The following GPM6A variants were observed in gnomAD, a reference collection of about 807,000 sequenced individuals.
The protein encoded by GPM6A is neuronal membrane glycoprotein M6-a.
GPM6A carries 7 observed loss-of-function variants against 32.1 expected under a neutral mutation model. That is an observed-to-expected ratio of 0.22 (90% CI 0.12 to 0.41). GPM6A has a LOEUF of 0.41. Ranked by LOEUF, GPM6A falls within the 10% of genes least tolerant of loss-of-function variation. The pLI is 1.00. For missense variants in GPM6A, 235 were observed against 347.2 expected (o/e 0.68, Z 2.57); for synonymous variants, 130 against 123.4 (o/e 1.05, Z -0.35).
At chr4:175,953,609 A>C (rs1486554073) in intron 1 of GPM6A, among the ~76,000 whole-genome samples, 1 of 152,218 alleles carries the variant, frequency 6.6e-6, no homozygotes, top group African/African-American at 2.4e-5. Context: ...GTATATAAAA[A>C]CTACCATGGA....
intron 1 of GPM6A, among the ~76,000 whole-genome samples, chr4:175,822,139 C>T (rs1579540765): frequency 6.6e-6 from 1 of 152,100 alleles, no homozygotes; most frequent in South Asian, 2.1e-4. Flanking sequence ...TTTTATTCTC[C>T]ATCAAGTAAG....
intron 1 of GPM6A, among the ~76,000 whole-genome samples, chr4:175,704,314 CTT>C (rs1428753976): frequency 2.9e-5 from 4 of 137,536 alleles, no homozygotes; most frequent in Non-Finnish European, 6.6e-5. Context: ...ACATCTCTCT[CTT>C]TCTCTCACAC....
At chr4:175,828,159 A>G (rs1735494632) in intron 1 of GPM6A, among the ~76,000 whole-genome samples, 1 of 152,184 alleles carries the variant, frequency 6.6e-6, no homozygotes, top group Non-Finnish European at 1.5e-5. Context: ...TGGCTTGGCA[A>G]TTCCTAGGTC....
intron 1 of GPM6A, among the ~76,000 whole-genome samples, chr4:175,919,156 C>A (rs1396057219): frequency 6.6e-6 from 1 of 152,144 alleles, no homozygotes. Context: ...CTGCCCATCA[C>A]TTATAAAAAG....
At chr4:175,647,662 C>T (rs184009474) in intron 4 of GPM6A, among the ~76,000 whole-genome samples, 9 of 152,116 alleles carry the variant, frequency 5.9e-5, no homozygotes, top group East Asian at 1.9e-4. Context: ...TAAAAGATAG[C>T]GTCTATATAC....
At chr4:175,802,872 T>TA (rs971616245) in intron 1 of GPM6A, among the ~76,000 whole-genome samples, 1 of 152,054 alleles carries the variant, frequency 6.6e-6, no homozygotes, top group African/African-American at 2.4e-5. Flanking sequence ...TCTTTAATAA[T>TA]AAAAAAAGAA....
At chr4:176,001,145 C>T (rs76076867) in intron 1 of GPM6A, among the ~76,000 whole-genome samples, 1 of 152,140 alleles carries the variant, frequency 6.6e-6, no homozygotes, top group Non-Finnish European at 1.5e-5. Context: ...GTCAAAGCAT[C>T]CCCTAACCCT....
At chr4:175,973,201 A>G (rs145617258) in intron 1 of GPM6A, among the ~76,000 whole-genome samples, 11 of 152,350 alleles carry the variant, frequency 7.2e-5, no homozygotes, top group Non-Finnish European at 1.0e-4. Flanking sequence ...GCCTTGGGGC[A>G]TTCAGTGTCT....
intron 1 of GPM6A, among the ~76,000 whole-genome samples, chr4:175,738,630 A>G (rs566871243): frequency 6.6e-6 from 1 of 152,184 alleles, no homozygotes; most frequent in East Asian, 1.9e-4. Context: ...CAGAAGTGAA[A>G]TGTTCAGTGA....
intron 1 of GPM6A, among the ~76,000 whole-genome samples, chr4:175,903,563 A>T (rs1738033734): frequency 6.6e-6 from 1 of 152,156 alleles, no homozygotes; most frequent in Admixed American, 6.6e-5. Context: ...TAACACCTGC[A>T]ATTTTAGGAC....
At chr4:175,714,736 A>C (rs1035909223) in intron 1 of GPM6A, among the ~76,000 whole-genome samples, 1 of 152,196 alleles carries the variant, frequency 6.6e-6, no homozygotes, top group African/African-American at 2.4e-5. Flanking sequence ...TATCATGAAA[A>C]TGTTTATTAA....
intron 1 of GPM6A, among the ~76,000 whole-genome samples, chr4:175,871,215 T>A (rs943478105): frequency 2.6e-5 from 4 of 152,096 alleles, no homozygotes; most frequent in African/African-American, 9.7e-5. Context: ...AGGCCTGTAA[T>A]CCCAGCACTT....
At chr4:176,002,330 C>T in exon 1 of GPM6A, 1 of 1,589,322 alleles carries the variant, frequency 6.3e-7, no homozygotes, top group Non-Finnish European at 8.6e-7. Flanking sequence ...GGTCCTGCTT[C>T]TCTGCAGTCC....
intron 2 of GPM6A, among the ~76,000 whole-genome samples, chr4:175,678,525 A>G (rs896522436): frequency 6.6e-6 from 1 of 152,192 alleles, no homozygotes; most frequent in Non-Finnish European, 1.5e-5. Context: ...GAAAGAATGC[A>G]TGAAATAGGA....
intron 1 of GPM6A, among the ~76,000 whole-genome samples, chr4:175,930,136 A>G (rs144939533): frequency 5.9e-4 from 90 of 152,220 alleles, no homozygotes; most frequent in African/African-American, 2.0e-3. Flanking sequence ...AGAGATGAAT[A>G]ATGTTAGTCA....
At chr4:175,874,757 G>T (rs1270201939) in intron 1 of GPM6A, among the ~76,000 whole-genome samples, 2 of 152,054 alleles carry the variant, frequency 1.3e-5, no homozygotes, top group Non-Finnish European at 2.9e-5. Flanking sequence ...GAGAATGAGG[G>T]ATCCTTGATG....
intron 1 of GPM6A, among the ~76,000 whole-genome samples, chr4:175,797,701 G>T (rs1734289004): frequency 1.3e-5 from 2 of 152,172 alleles, no homozygotes; most frequent in East Asian, 1.9e-4. Context: ...GTAGTCAAGG[G>T]CTTATGTACA....
intron 3 of GPM6A, among the ~76,000 whole-genome samples, chr4:175,659,801 C>T (rs1742297544): frequency 2.6e-5 from 4 of 152,126 alleles, no homozygotes; most frequent in Admixed American, 2.6e-4. Flanking sequence ...AAAATAGTGC[C>T]TGGGACACAG....
At chr4:175,807,439 T>C (rs1445613246) in intron 1 of GPM6A, 1 of 152,186 alleles carries the variant, frequency 6.6e-6, no homozygotes, top group African/African-American at 2.4e-5. Flanking sequence ...TAGAGGTCTT[T>C]CGATTGCAAA....
Sources: allele counts gnomAD v4.1 joint callset (sites outside exome capture counted in the v4.1 genomes callset), GRCh38; gene constraint gnomAD v4.1.1; transcripts MANE v1.5; gene names NCBI Gene and HGNC (gene_info 2026-07-23, HGNC 2026-07-21).